NCOR2: variants seen among roughly 807,000 people sequenced by gnomAD.
The protein encoded by NCOR2 is CTG repeat protein 26.
Under a neutral mutation model 262.9 loss-of-function variants are expected in NCOR2, and 81 were observed. That is an observed-to-expected ratio of 0.31 (90% CI 0.26 to 0.37). NCOR2 has a LOEUF of 0.37. NCOR2 is among the 10% of genes least tolerant of loss of function. The pLI is 1.00. For missense variants in NCOR2, 3,385 were observed against 3,621.4 expected (o/e 0.93, Z 1.68); for synonymous variants, 1,659 against 1,559.3 (o/e 1.06, Z -1.51).
intron 10 of NCOR2, among the ~76,000 whole-genome samples, chr12:124,429,184 C>G (rs1029713181): frequency 2.0e-5 from 3 of 152,274 alleles, no homozygotes; most frequent in Admixed American, 6.5e-5. Context: ...CATGCTCCCC[C>G]CACCCTGCCA....
chr12:124,533,171 G>C (rs980893647), intron 1 of NCOR2, among the ~76,000 whole-genome samples: 1 of 151,350 alleles, frequency 6.6e-6, no homozygotes, highest in Non-Finnish European at 1.5e-5. Flanking sequence ...CCAGCCCCAG[G>C]AAGCAGATGA....
At chr12:124,406,401 GC>G (rs1475959961) in intron 13 of NCOR2, among the ~76,000 whole-genome samples, 1 of 152,124 alleles carries the variant, frequency 6.6e-6, no homozygotes, top group Non-Finnish European at 1.5e-5. Context: ...TCTAACCTGC[GC>G]CAGGAGAAGC....
chr12:124,559,755 A>G (rs1290901966), intron 1 of NCOR2, among the ~76,000 whole-genome samples: 2 of 152,254 alleles, frequency 1.3e-5, no homozygotes, highest in Admixed American at 1.3e-4. Context: ...AAGCCAAAAC[A>G]TAAACCAGTG....
chr12:124,541,609 G>A (rs1307166576), intron 1 of NCOR2, among the ~76,000 whole-genome samples: 1 of 14,468 alleles, frequency 6.9e-5, no homozygotes, highest in African/African-American at 4.4e-4. Flanking sequence ...GAGCAGGTGG[G>A]GAGTGGAGAT....
chr12:124,373,840 CA>C (rs2039759327), intron 19 of NCOR2, among the ~76,000 whole-genome samples: 1 of 24,208 alleles, frequency 4.1e-5, no homozygotes, highest in South Asian at 1.5e-3. Flanking sequence ...GCACGGTGGA[CA>C]ATCATGAGGC....
Position 124,443,505 on chromosome 12 carries a change from T to C in NCOR2, c.816-5509A>G, listed in dbSNP as rs76852754. Among the ~76,000 whole-genome samples, 647 of 152,298 alleles carry C rather than the reference T, an allele frequency of 4.2e-3. 5 individuals are homozygous for C. Among genetic ancestry groups the C allele is most frequent in the Non-Finnish European group, 8.4e-3 (571 of 68,026 alleles). ...TGGTGCTTTATTTATTTATTTTTTATTTTTTATTTTTTTGAGATGGAGTCT... is the reference window on the plus strand; with the variant it reads ...TGGTGCTTTATTTATTTATTTTTTACTTTTTATTTTTTTGAGATGGAGTCT... On this transcript the variant is annotated intron_variant, in intron 7 of 46. Coordinates refer to ENST00000405201, the Ensembl canonical transcript of NCOR2. The surrounding 1 kb of genome is among the most constrained non-coding windows in gnomAD (Gnocchi z 4.4).
intron 17 of NCOR2, among the ~76,000 whole-genome samples, chr12:124,383,130 G>A (rs77539255): frequency 0.03 from 4,508 of 152,298 alleles, 152 homozygotes; most frequent in South Asian, 0.088. Flanking sequence ...ATACTAGGCC[G>A]CATTCCCAGC....
chr12:124,555,174 G>A (rs1460418199), intron 1 of NCOR2, among the ~76,000 whole-genome samples: 1 of 152,218 alleles, frequency 6.6e-6, no homozygotes, highest in Non-Finnish European at 1.5e-5. Flanking sequence ...CCGGGTTATT[G>A]TGAAGCTTAG....
chr12:124,332,251 A>G lies in NCOR2; in HGVS notation c.6904+68T>C, dbSNP rs2035262932. 1.9e-5 allele frequency: 31 copies of G among 1,589,964 alleles called. No individual in the cohort carries two copies. The South Asian group carries it at 3.4e-4, about 18-fold the overall frequency. On this transcript the variant is annotated intron_variant, in intron 43 of 46. Coordinates refer to ENST00000405201, the Ensembl canonical transcript of NCOR2. ...TGGGTTTCTGCCACTGGGCGGCTCC[A>G]GCTGCCCAGGCAGGCCACCCGCCCA... is the stretch of plus-strand genomic sequence containing the variant.
At chr12:124,348,861 A>C (rs1277152389) in intron 28 of NCOR2, 1 of 158,662 alleles carries the variant, frequency 6.3e-6, no homozygotes, top group Admixed American at 6.0e-5. Context: ...ATACATCAGC[A>C]GTGTGTGGAC....
chr12:124,334,609 G>C, exon 41 of NCOR2: 1 of 1,393,606 alleles, frequency 7.2e-7, no homozygotes, highest in Non-Finnish European at 9.3e-7. Flanking sequence ...AGTCCTGTGT[G>C]ATGACCTCCT....
At chr12:124,522,997 C>G (rs2050270273) in intron 1 of NCOR2, among the ~76,000 whole-genome samples, 1 of 152,178 alleles carries the variant, frequency 6.6e-6, no homozygotes, top group Non-Finnish European at 1.5e-5. Flanking sequence ...ATGGGGAGGC[C>G]AGACACAGGC....
At chr12:124,529,661 T>C (rs886371353) in intron 1 of NCOR2, 2 of 152,122 alleles carry the variant, frequency 1.3e-5, no homozygotes, top group African/African-American at 4.8e-5. Flanking sequence ...CGAGATTATC[T>C]CCCACCATCC....
intron 14 of NCOR2, 45 bp from the exon 17 acceptor site, chr12:124,400,718 G>A (rs753697059): frequency 1.2e-6 from 2 of 1,600,136 alleles, no homozygotes; most frequent in Non-Finnish European, 1.7e-6. Flanking sequence ...CCCGAGCCGG[G>A]AAATCAAACA....
chr12:124,342,044 G>A, exon 34 of NCOR2: 1 of 1,611,802 alleles, frequency 6.2e-7, no homozygotes, highest in Non-Finnish European at 8.5e-7. Context: ...GGGGTTGGGG[G>A]CCAGGTGTCG....
chr12:124,470,038 C>T (rs1375634605), intron 4 of NCOR2, among the ~76,000 whole-genome samples: 2 of 151,968 alleles, frequency 1.3e-5, no homozygotes, highest in South Asian at 2.1e-4. Context: ...TGGTGATGCA[C>T]ACCTGTACTC....
intron 1 of NCOR2, 132 bp from the exon 4 acceptor site, chr12:124,486,700 C>T (rs1205298292): frequency 1.5e-5 from 18 of 1,182,898 alleles, no homozygotes; most frequent in Non-Finnish European, 1.9e-5. Flanking sequence ...AGCCCAAGTC[C>T]TGCAGGGAAC....
chr12:124,552,254 G>A (rs1262110738), intron 1 of NCOR2, among the ~76,000 whole-genome samples: 5 of 151,982 alleles, frequency 3.3e-5, no homozygotes, highest in Admixed American at 6.5e-5. Context: ...CTGGGAGGTC[G>A]AGGCTGCAGT....
At chr12:124,408,137 G>A (rs2042375681) in intron 13 of NCOR2, among the ~76,000 whole-genome samples, 2 of 152,166 alleles carry the variant, frequency 1.3e-5, no homozygotes, top group South Asian at 2.1e-4. Context: ...GGCGGATCAT[G>A]AGGTCAGGAA....
Sources: gnomAD v4.1 joint callset for allele counts (sites outside exome capture counted in the v4.1 genomes callset) on GRCh38, gnomAD v4.1.1 for gene constraint, Gnocchi (gnomAD v3.1) non-coding constraint, MANE v1.5 for transcripts, NCBI Gene and HGNC (gene_info 2026-07-23, HGNC 2026-07-21) for gene names.